RBMS3: variants seen among roughly 807,000 people sequenced by gnomAD.
RBMS3 encodes RNA binding motif single stranded interacting protein 3, also known as RNA-binding motif, single-stranded-interacting protein 3.
A neutral mutation model predicts 66.8 loss-of-function variants in RBMS3; 27 were observed. That is an observed-to-expected ratio of 0.40 (90% CI 0.30 to 0.56). The LOEUF is 0.56. Ranked by LOEUF, RBMS3 falls within the 20% of genes least tolerant of loss-of-function variation. The pLI is 0.40. For synonymous variants in RBMS3, 188 were observed against 183.0 expected (o/e 1.03, Z -0.22); for missense variants, 513 against 549.5 (o/e 0.93, Z 0.66).
chr3:29,766,386 A>G (rs1307490136), intron 6 of RBMS3: 1 of 152,022 alleles, frequency 6.6e-6, no homozygotes, highest in Admixed American at 6.6e-5. Flanking sequence ...TTCAAATTCT[A>G]AAAATTTCAT....
Position 29,381,653 on chromosome 3 carries a change from T to C in RBMS3, c.76-53090T>C, listed in dbSNP as rs1325582485. 2.0e-5 allele frequency among the ~76,000 whole-genome samples: 3 copies of C among 152,198 alleles called. No homozygotes were observed. In the East Asian group the frequency reaches 5.8e-4, roughly 29 times the overall value. ...GTCAGCAGCACATTATTCAGAAATC[T>C]TTATCTTTTAATCTACTATGCTAAC... On this transcript the variant is annotated intron_variant, in intron 1 of 14. Transcript: ENST00000383767.
At chr3:29,726,015 C>T (rs970454281) in intron 4 of RBMS3, among the ~76,000 whole-genome samples, 3 of 152,206 alleles carry the variant, frequency 2.0e-5, no homozygotes, top group African/African-American at 7.2e-5. Flanking sequence ...CCACCACAAT[C>T]AAGTTGGCTT....
intron 1 of RBMS3, among the ~76,000 whole-genome samples, chr3:29,366,905 A>G (rs1209179698): frequency 6.6e-6 from 1 of 152,200 alleles, no homozygotes; most frequent in East Asian, 1.9e-4. Context: ...TCTCTAATAG[A>G]AAAGCATTTT....
intron 6 of RBMS3, among the ~76,000 whole-genome samples, chr3:29,823,491 C>T (rs1017042612): frequency 3.9e-5 from 6 of 152,118 alleles, no homozygotes; most frequent in East Asian, 1.9e-4. Flanking sequence ...TTCTAACATT[C>T]GTCCATTACT....
chr3:29,808,358 GTATCTAATGTA>G (rs780550588), intron 6 of RBMS3, among the ~76,000 whole-genome samples: 64 of 151,922 alleles, frequency 4.2e-4, no homozygotes, highest in East Asian at 9.6e-4. Context: ...GCCTATTAAT[GTATCTAATGTA>G]GAATTGATAT....
intron 6 of RBMS3, among the ~76,000 whole-genome samples, chr3:29,866,895 G>A (rs942201174): frequency 3.9e-5 from 6 of 152,172 alleles, no homozygotes; most frequent in Non-Finnish European, 1.5e-5. Context: ...CTTGTGTTCA[G>A]TGAGGCAATG....
In RBMS3 at chr3:29,659,731, G is replaced by C. The variant is rs189612219; in HGVS notation, c.399+72526G>C. On this transcript the variant is annotated intron_variant, in intron 4 of 14. Coordinates refer to ENST00000383767, the MANE Select transcript of RBMS3 (RefSeq NM_001003793.3). ...TTGAGGCCTTGCTTTCGATTTTGGT[G>C]GGGGGGTGGTTACAGAGAGCTGGAA... Among the ~76,000 whole-genome samples the C allele has an allele frequency of 2.0e-5, 3 of 151,482 alleles. 1 individual carries two copies. Among genetic ancestry groups the C allele is most frequent in the Non-Finnish European group, 4.4e-5 (3 of 67,660 alleles).
chr3:29,962,001 T>A (rs1696488477), intron 12 of RBMS3, among the ~76,000 whole-genome samples: 1 of 145,914 alleles, frequency 6.9e-6, no homozygotes, highest in South Asian at 2.1e-4. Flanking sequence ...ATATAATATA[T>A]ATATTATATA....
chr3:29,738,994 A>G (rs2054500968), intron 4 of RBMS3, among the ~76,000 whole-genome samples: 1 of 152,212 alleles, frequency 6.6e-6, no homozygotes, highest in Non-Finnish European at 1.5e-5. Flanking sequence ...ATTGAATGAA[A>G]TAATGCATGT....
chr3:29,587,018 A>C, intron 3 of RBMS3, 96 bp from the exon 4 acceptor site: 1 of 890,900 alleles, frequency 1.1e-6, no homozygotes, highest in Non-Finnish European at 1.7e-6. Flanking sequence ...GTCAGAAGAA[A>C]TGAATGCAAG....
chr3:29,372,155 C>T (rs906729513), intron 1 of RBMS3, among the ~76,000 whole-genome samples: 3 of 152,074 alleles, frequency 2.0e-5, no homozygotes, highest in African/African-American at 7.2e-5. Flanking sequence ...GTAAGAAACC[C>T]TGTCTCTACT....
At chr3:29,739,974 C>CAAAAAAAAAA (rs397989061) in intron 5 of RBMS3, 97 bp downstream of exon 5, 1 of 535,072 alleles carries the variant, frequency 1.9e-6, no homozygotes, top group Non-Finnish European at 2.6e-6. Context: ...ATAGAATATG[C>CAAAAAAAAAA]AAAAAAAAAA....
intron 1 of RBMS3, among the ~76,000 whole-genome samples, chr3:29,360,561 G>C (rs1352435061): frequency 6.6e-6 from 1 of 151,914 alleles, no homozygotes; most frequent in Non-Finnish European, 1.5e-5. Flanking sequence ...TGTCTATTAG[G>C]TCTGCTTGGT....
At chr3:29,951,557 G>T (rs1217947472) in intron 12 of RBMS3, among the ~76,000 whole-genome samples, 3 of 151,588 alleles carry the variant, frequency 2.0e-5, no homozygotes, top group African/African-American at 7.3e-5. Context: ...CCTAGTAAGG[G>T]CGTGACTCAT....
At chr3:29,981,522 G>A (rs4456822) in intron 12 of RBMS3, among the ~76,000 whole-genome samples, 33,922 of 151,964 alleles carry the variant, frequency 0.22, 3,987 homozygotes, top group East Asian at 0.34. Flanking sequence ...TTCAAAGGGA[G>A]TGCTTCCAGC....
At chr3:29,346,633 A>T (rs569588950) in intron 1 of RBMS3, among the ~76,000 whole-genome samples, 1 of 151,810 alleles carries the variant, frequency 6.6e-6, no homozygotes, top group Non-Finnish European at 1.5e-5. Flanking sequence ...CGAACTCCTG[A>T]CCTCAGGTGA....
At chr3:29,955,856 T>C (rs181159233) in intron 12 of RBMS3, among the ~76,000 whole-genome samples, 8 of 152,198 alleles carry the variant, frequency 5.3e-5, no homozygotes, top group Non-Finnish European at 7.4e-5. Flanking sequence ...TTTAATAGCA[T>C]TTATTTAATT....
intron 5 of RBMS3, among the ~76,000 whole-genome samples, chr3:29,760,932 A>G (rs534262419): frequency 6.6e-6 from 1 of 152,200 alleles, no homozygotes; most frequent in South Asian, 2.1e-4. Flanking sequence ...TTCATTCTGA[A>G]GACTTTTTTT....
intron 6 of RBMS3, among the ~76,000 whole-genome samples, chr3:29,803,568 G>T (rs374404072): frequency 6.6e-6 from 1 of 152,050 alleles, no homozygotes; most frequent in African/African-American, 2.4e-5. Flanking sequence ...TGTCTTTAGT[G>T]TTTAATAGAA....
Sources: allele counts gnomAD v4.1 joint callset (sites outside exome capture counted in the v4.1 genomes callset), GRCh38; gene constraint gnomAD v4.1.1; transcripts MANE v1.5; gene names NCBI Gene and HGNC (gene_info 2026-07-23, HGNC 2026-07-21).